The following B3GALT1 variants were observed in gnomAD, a reference collection of about 807,000 sequenced individuals.
The protein encoded by B3GALT1 is UDP-Gal:betaGlcNAc beta 1,3-galactosyltransferase, polypeptide 1.
In B3GALT1, 10 loss-of-function variants were observed where a neutral mutation model predicts 23.2. That is an observed-to-expected ratio of 0.43 (90% CI 0.27 to 0.73). The LOEUF is 0.73. Among genes scored for constraint, B3GALT1 ranks in the 30% least tolerant of loss-of-function variants. The pLI is 0.21. For missense variants in B3GALT1, 299 were observed against 405.4 expected (o/e 0.74, Z 2.25); for synonymous variants, 156 against 141.5 (o/e 1.10, Z -0.73).
chr2:167,809,009 CTCT>C (rs1688821845), intron 3 of B3GALT1, among the ~76,000 whole-genome samples: 1 of 152,072 alleles, frequency 6.6e-6, no homozygotes, highest in Non-Finnish European at 1.5e-5. Context: ...CTCTAAACTT[CTCT>C]TCTTGCTTCA....
chr2:167,689,121 A>C (rs1249077303), intron 3 of B3GALT1, among the ~76,000 whole-genome samples: 1 of 135,192 alleles, frequency 7.4e-6, no homozygotes, highest in African/African-American at 2.8e-5. Context: ...CCATAGTCAA[A>C]CCTCGCCCCC....
intron 2 of B3GALT1, among the ~76,000 whole-genome samples, chr2:167,531,829 A>G (rs1040162026): frequency 6.6e-6 from 1 of 152,194 alleles, no homozygotes; most frequent in African/African-American, 2.4e-5. Context: ...TTCAAAATTT[A>G]TCAAGATATT....
chr2:167,577,835 C>T (rs1023578848), intron 2 of B3GALT1, among the ~76,000 whole-genome samples: 2 of 122,572 alleles, frequency 1.6e-5, no homozygotes, highest in South Asian at 5.3e-4. Flanking sequence ...TAAAATTAAC[C>T]TAGCTACTCT....
At chr2:167,655,540 A>G (rs1429630330) in intron 3 of B3GALT1, among the ~76,000 whole-genome samples, 2 of 152,174 alleles carry the variant, frequency 1.3e-5, no homozygotes, top group African/African-American at 2.4e-5. Context: ...AATAACACCC[A>G]TAGCAAGGGA....
At position 167,410,922 on chromosome 2, in the gene B3GALT1, T is replaced by G. The variant is rs573900263; in HGVS notation, c.-510-79255T>G. On this transcript the variant is annotated intron_variant, in intron 1 of 4. Transcript: ENST00000392690. ...TGACCTCTTAGGTCATAAAATGAGG[T>G]TCTTAATAGACCTAACAGAAAATGT... is the stretch of plus-strand genomic sequence containing the variant. Among the ~76,000 whole-genome samples the G allele has an allele frequency of 5.3e-5, 8 of 152,054 alleles. No individual in the cohort carries two copies. The South Asian group carries it at 1.2e-3, about 24-fold the overall frequency.
chr2:167,584,467 G>A (rs1428324278), intron 2 of B3GALT1, among the ~76,000 whole-genome samples: 1 of 152,054 alleles, frequency 6.6e-6, no homozygotes, highest in Non-Finnish European at 1.5e-5. Context: ...CAGATGAATG[G>A]GGACTTCTCC....
At position 167,570,355 on chromosome 2, in the gene B3GALT1, A is replaced by G. The variant is rs749708443; in HGVS notation, c.-409-76554A>G. Among the ~76,000 whole-genome samples the G allele has an allele frequency of 4.0e-5, 6 of 151,562 alleles. No individual in the cohort carries two copies. In the East Asian group the frequency reaches 5.8e-4, roughly 15 times the overall value. On this transcript the variant is annotated intron_variant, in intron 2 of 4. Coordinates refer to ENST00000392690, the MANE Select transcript of B3GALT1 (RefSeq NM_020981.4). Reference sequence around the variant, plus strand: ...CAATTTCTGTAATAGATATAGGTCTATTTTTTCTTGTGTGAGTTTCGGCAG... The same window carrying G: ...CAATTTCTGTAATAGATATAGGTCTGTTTTTTCTTGTGTGAGTTTCGGCAG...
intron 1 of B3GALT1, among the ~76,000 whole-genome samples, chr2:167,420,695 T>A (rs1450487101): frequency 2.0e-5 from 3 of 152,184 alleles, no homozygotes; most frequent in Non-Finnish European, 4.4e-5. Flanking sequence ...CCTTGGAAAC[T>A]ATATGAACCA....
intron 3 of B3GALT1, among the ~76,000 whole-genome samples, chr2:167,811,212 G>A (rs1337378294): frequency 6.6e-6 from 1 of 152,192 alleles, no homozygotes; most frequent in Non-Finnish European, 1.5e-5. Context: ...TTCAGATCAA[G>A]TTCTTTGGGA....
At chr2:167,341,740 T>G (rs992106549) in intron 1 of B3GALT1, among the ~76,000 whole-genome samples, 2 of 152,210 alleles carry the variant, frequency 1.3e-5, no homozygotes, top group African/African-American at 4.8e-5. Flanking sequence ...ATGTGCCCTC[T>G]TCACTTGACC....
intron 1 of B3GALT1, among the ~76,000 whole-genome samples, chr2:167,336,315 A>C (rs1697056802): frequency 6.6e-6 from 1 of 152,188 alleles, no homozygotes; most frequent in African/African-American, 2.4e-5. Context: ...ATTGGTGTTC[A>C]TGCTTGGCAA....
chr2:167,504,591 A>G (rs1541889), intron 2 of B3GALT1, among the ~76,000 whole-genome samples: 59,443 of 152,056 alleles, frequency 0.39, 12,486 homozygotes, highest in East Asian at 0.81. Context: ...ATCTTCATTG[A>G]TAGCTGACTG....
chr2:167,413,993 G>C (rs980970165), intron 1 of B3GALT1, among the ~76,000 whole-genome samples: 1 of 152,068 alleles, frequency 6.6e-6, no homozygotes, highest in East Asian at 1.9e-4. Flanking sequence ...GTATTGTAAA[G>C]GAAAGCAGAT....
At chr2:167,404,241 A>G (rs1310878014) in intron 1 of B3GALT1, among the ~76,000 whole-genome samples, 1 of 152,136 alleles carries the variant, frequency 6.6e-6, no homozygotes, top group Non-Finnish European at 1.5e-5. Flanking sequence ...AAGGACTGAC[A>G]TTACTGCCAG....
chr2:167,412,124 G>A (rs1009112256), intron 1 of B3GALT1, among the ~76,000 whole-genome samples: 10 of 24,874 alleles, frequency 4.0e-4, no homozygotes, highest in South Asian at 1.3e-3. Flanking sequence ...TAAATGGCAC[G>A]GTAGAACAAA....
chr2:167,451,471 A>T (rs540405178), intron 1 of B3GALT1, among the ~76,000 whole-genome samples: 4 of 152,140 alleles, frequency 2.6e-5, no homozygotes, highest in African/African-American at 9.6e-5. Flanking sequence ...TCTCTTCTGG[A>T]TCTCGCCATT....
intron 3 of B3GALT1, among the ~76,000 whole-genome samples, chr2:167,655,670 A>T (rs1403659472): frequency 1.3e-5 from 2 of 152,310 alleles, no homozygotes; most frequent in Non-Finnish European, 2.9e-5. Flanking sequence ...TGTGTGGTAC[A>T]GATGGGAGGC....
intron 3 of B3GALT1, among the ~76,000 whole-genome samples, chr2:167,749,999 G>T (rs1167336846): frequency 6.6e-6 from 1 of 152,148 alleles, no homozygotes; most frequent in African/African-American, 2.4e-5. Context: ...AAGAAAATTT[G>T]GCATGAGAGT....
chr2:167,795,954 G>A (rs1688539890), intron 3 of B3GALT1, among the ~76,000 whole-genome samples: 1 of 152,166 alleles, frequency 6.6e-6, no homozygotes, highest in Admixed American at 6.5e-5. Context: ...GTTTCTCCTG[G>A]AACTGCCTTC....
Sources: allele counts gnomAD v4.1 joint callset (sites outside exome capture counted in the v4.1 genomes callset), GRCh38; gene constraint gnomAD v4.1.1; transcripts MANE v1.5; gene names NCBI Gene and HGNC (gene_info 2026-07-23, HGNC 2026-07-21).